The following RARB variants were observed in gnomAD, a reference collection of about 807,000 sequenced individuals.
RARB encodes HBV-activated protein.
Under a neutral mutation model 51.9 loss-of-function variants are expected in RARB, and 17 were observed. That is an observed-to-expected ratio of 0.33 (90% confidence interval 0.22 to 0.49). The LOEUF (loss-of-function observed/expected upper bound fraction) is 0.49. RARB is among the 20% of genes least tolerant of loss of function. The pLI, the probability that RARB is intolerant of heterozygous loss-of-function variation, is 0.99. For synonymous variants in RARB, 215 were observed against 195.4 expected, an observed-to-expected ratio of 1.10 and a Z score of -0.84; for missense variants, 369 against 550.8, an observed-to-expected ratio of 0.67 and a Z score of 3.30.
intron 4 of RARB, among the ~76,000 whole-genome samples, chr3:25,164,764 C>T (rs141628827): frequency 1.5e-4 from 23 of 152,208 alleles, no homozygotes; most frequent in South Asian, 6.2e-4. Context: ...GAAATGGGTA[C>T]GCATACATGC....
At chr3:25,541,144 T>C (rs868369711) in intron 3 of RARB, among the ~76,000 whole-genome samples, 9 of 152,108 alleles carry the variant, frequency 5.9e-5, no homozygotes, top group African/African-American at 2.2e-4. Flanking sequence ...CAAAATTGAG[T>C]AGTTGTGACA....
chr3:24,914,978 C>T (rs1028450168), intron 2 of RARB, among the ~76,000 whole-genome samples: 1 of 152,304 alleles, frequency 6.6e-6, no homozygotes, highest in African/African-American at 2.4e-5. Flanking sequence ...ATGGACCCAG[C>T]TTCCATACAT....
chr3:25,020,788 C>T (rs1435388156), intron 2 of RARB, among the ~76,000 whole-genome samples: 1 of 152,036 alleles, frequency 6.6e-6, no homozygotes, highest in African/African-American at 2.4e-5. Flanking sequence ...TTGAGGATCT[C>T]ATTTAAAATA....
At chr3:25,070,165 G>C (rs898014225) in intron 3 of RARB, among the ~76,000 whole-genome samples, 1 of 152,132 alleles carries the variant, frequency 6.6e-6, no homozygotes, top group Non-Finnish European at 1.5e-5. Flanking sequence ...AGCGCATGGC[G>C]TTCTCCCTGT....
chr3:24,839,661 G>A (rs1702393083), intron 1 of RARB, among the ~76,000 whole-genome samples: 1 of 123,898 alleles, frequency 8.1e-6, no homozygotes, highest in Non-Finnish European at 1.6e-5. Flanking sequence ...GAGCCGAGAT[G>A]CCACTGCACT....
rs553658559 is a variant in RARB at position 25,387,674 on chromosome 3, A to C, written c.179-73519A>C. ...GGCCCCTGTGAGTGTAAAGTGGCTCACCATCAGGTCCTCTCCCCATCTCTT... is the reference window on the plus strand; with the variant it reads ...GGCCCCTGTGAGTGTAAAGTGGCTCCCCATCAGGTCCTCTCCCCATCTCTT... On this transcript the variant is annotated intron_variant, in intron 5 of 11. Transcript: ENST00000383772. Among the ~76,000 whole-genome samples, 5 of 151,412 alleles carry C rather than the reference A, an allele frequency of 3.3e-5. No individual in the cohort carries two copies. In the South Asian group the frequency reaches 1.0e-3, roughly 31 times the overall value.
At chr3:25,440,730 G>A (rs1052004667) in intron 1 of RARB, among the ~76,000 whole-genome samples, 3 of 151,860 alleles carry the variant, frequency 2.0e-5, no homozygotes, top group East Asian at 1.9e-4. Flanking sequence ...CCGAGATCGC[G>A]CCACTGCACT....
chr3:25,298,606 G>T (rs531104272), intron 5 of RARB, among the ~76,000 whole-genome samples: 3 of 152,060 alleles, frequency 2.0e-5, no homozygotes, highest in African/African-American at 4.8e-5. Flanking sequence ...TTTTAGTCCC[G>T]GGTATGACAC....
At chr3:24,938,044 G>A (rs76539085) in intron 2 of RARB, among the ~76,000 whole-genome samples, 3 of 38,458 alleles carry the variant, frequency 7.8e-5, no homozygotes, top group South Asian at 1.1e-3. Flanking sequence ...GCACACATGC[G>A]CACACACACT....
chr3:25,044,675 T>C (rs898695093), intron 2 of RARB, among the ~76,000 whole-genome samples: 11 of 152,198 alleles, frequency 7.2e-5, no homozygotes, highest in African/African-American at 1.4e-4. Context: ...AAATACTGTC[T>C]GGAAAATGGA....
intron 2 of RARB, among the ~76,000 whole-genome samples, chr3:24,880,414 C>T (rs1227598014): frequency 1.3e-5 from 2 of 151,756 alleles, no homozygotes; most frequent in African/African-American, 4.8e-5. Flanking sequence ...GATAAAGCCT[C>T]CATAAAATAA....
At chr3:24,926,936 C>T (rs910146022) in intron 2 of RARB, among the ~76,000 whole-genome samples, 4 of 151,982 alleles carry the variant, frequency 2.6e-5, no homozygotes, top group Admixed American at 2.6e-4. Flanking sequence ...GTTTTCTTGT[C>T]ATAACTCAGC....
chr3:25,004,837 T>A, intron 2 of RARB, among the ~76,000 whole-genome samples: 1 of 152,184 alleles, frequency 6.6e-6, no homozygotes, highest in East Asian at 1.9e-4. Flanking sequence ...AGCATTTTTT[T>A]AAGTTTTATA....
chr3:25,039,179 C>T (rs1308425960), intron 2 of RARB, among the ~76,000 whole-genome samples: 1 of 152,178 alleles, frequency 6.6e-6, no homozygotes, highest in African/African-American at 2.4e-5. Flanking sequence ...ATTTCATACA[C>T]TCTGCATTTG....
rs573694689 is a variant in RARB, at chr3:24,864,800, T to C, written c.-380+6048T>C. Among the ~76,000 whole-genome samples the C allele has an allele frequency of 2.4e-4, 37 of 152,320 alleles. 1 individual carries two copies. Among genetic ancestry groups the C allele is most frequent in the African/African-American group, 8.4e-4 (35 of 41,580 alleles). On this transcript the variant is annotated intron_variant, in intron 2 of 11. Coordinates refer to the RARB transcript ENST00000383772. ...ACTATCAATCTTTTACAAAAAAGTT[T>C]TGCCAACCTTTATCCCAGAACATCA...
At chr3:25,250,422 C>T (rs897402108) in intron 5 of RARB, among the ~76,000 whole-genome samples, 1 of 152,058 alleles carries the variant, frequency 6.6e-6, no homozygotes, top group Non-Finnish European at 1.5e-5. Context: ...CTGAGGAGGG[C>T]AAAGTTGTTT....
chr3:25,195,584 A>C (rs1341157054), intron 5 of RARB, among the ~76,000 whole-genome samples: 3 of 152,024 alleles, frequency 2.0e-5, no homozygotes, highest in Non-Finnish European at 2.9e-5. Flanking sequence ...GCATTTTCTT[A>C]GGACCTTATA....
chr3:25,467,417 T>A (rs1288940429), intron 2 of RARB, among the ~76,000 whole-genome samples: 1 of 152,212 alleles, frequency 6.6e-6, no homozygotes, highest in East Asian at 1.9e-4. Flanking sequence ...CCAGATCCTC[T>A]CCCCCTGTTG....
chr3:25,483,434 A>C (rs1379027190), intron 2 of RARB, among the ~76,000 whole-genome samples: 1 of 152,200 alleles, frequency 6.6e-6, no homozygotes, highest in Non-Finnish European at 1.5e-5. Flanking sequence ...ATTTGAGGAC[A>C]AGAGTGATTC....
Sources: gnomAD v4.1 joint callset for allele counts (sites outside exome capture counted in the v4.1 genomes callset) on GRCh38, gnomAD v4.1.1 for gene constraint, MANE v1.5 for transcripts, NCBI Gene and HGNC (gene_info 2026-07-23, HGNC 2026-07-21) for gene names.